MAGOHB: variants seen among roughly 807,000 people sequenced by gnomAD.
The protein encoded by MAGOHB is protein mago nashi homolog 2.
In MAGOHB, 15 loss-of-function variants were observed where a neutral mutation model predicts 20.9. The observed-to-expected ratio is 0.72, with a 90% confidence interval of 0.48 to 1.11. The LOEUF (loss-of-function observed/expected upper bound fraction) is 1.11. Ranked by LOEUF, MAGOHB falls within the 50% of genes least tolerant of loss-of-function variation. MAGOHB has a pLI of 0.00. For missense variants in MAGOHB, 162 were observed against 177.6 expected, an observed-to-expected ratio of 0.91 and a Z score of 0.50; for synonymous variants, 50 against 57.9, an observed-to-expected ratio of 0.86 and a Z score of 0.62.
intron 1 of MAGOHB, chr12:10,612,885 C>T: frequency 7.8e-7 from 1 of 1,289,156 alleles, no homozygotes; most frequent in South Asian, 1.2e-5. Context: ...CATTTCGAGA[C>T]TCATCTCAAG....
At chr12:10,600,958 C>T (rs149922595), downstream of MAGOHB, among the ~76,000 whole-genome samples, 263 of 152,260 alleles carry the variant, frequency 1.7e-3, no homozygotes, top group Middle Eastern at 0.014. Context: ...CTCCCAGAGG[C>T]TAATTTTACT....
In MAGOHB at chr12:10,613,077, ATG is replaced by A; in HGVS notation, c.94+360_94+361del. On this transcript the variant is annotated intron_variant, in intron 1 of 4. Transcript: ENST00000320756. ...CCTTCAAAGAAAACACACAGCCTAA[ATG>A]AAAAAAAGGTACTGGTCACCACAAG... 1.2e-5 allele frequency: 8 copies of A among 641,756 alleles called. No individual in the cohort carries two copies. In the Admixed American group the frequency reaches 1.3e-4, roughly 11 times the overall value. The allele number at this position is 641,756 out of a possible 1,614,324, so 39.8% of individuals were successfully genotyped here.
At position 10,606,363 on chromosome 12, in the gene MAGOHB, C is replaced by T. The variant is rs756686828; in HGVS notation, c.359G>A (p.Gly120Asp). 1.9e-6 allele frequency: 3 copies of T among 1,554,198 alleles called. No homozygotes were observed. The highest frequency in any genetic ancestry group is 1.2e-5 in the South Asian group (1 of 83,078). ...IDVNQSKDPE[G>D]LRVFYYLVQD... ...TACCAAATAGTAAAATACTCGAAGG[C>T]CTTCAGGATCCCTAAAATTTAAAAA... The change falls in exon 5 of 5, where the codon GGC (glycine) becomes GAC (aspartate). Residue 120 changes from glycine to aspartate, a missense_variant. Coordinates refer to ENST00000320756, the MANE Select transcript of MAGOHB (RefSeq NM_018048.5).
chr12:10,610,062 C>T (rs1215547529), intron 2 of MAGOHB, 121 bp from the exon 3 acceptor site: 2 of 567,766 alleles, frequency 3.5e-6, no homozygotes, highest in Non-Finnish European at 3.1e-6. Context: ...TTAATTGATT[C>T]CAAAAGTAGA....
chr12:10,609,645 C>T lies in MAGOHB; in HGVS notation c.264+186G>A. 1 of 574,434 alleles carries T rather than the reference C, an allele frequency of 1.7e-6. No homozygotes were observed. The highest frequency in any genetic ancestry group is 3.1e-6 in the Non-Finnish European group (1 of 326,378). The allele number at this position is 574,434 out of a possible 1,614,324, so 35.6% of individuals were successfully genotyped here. ...CTAAATTTAGAGCTATGCACTGACT[C>T]CTTCACTACTAGGAGGTAGCACAGA... On this transcript the variant is annotated intron_variant, in intron 3 of 4. Coordinates refer to ENST00000320756, the MANE Select transcript of MAGOHB (RefSeq NM_018048.5).
chr12:10,612,840 G>C (rs976506319), intron 1 of MAGOHB: 6 of 1,288,942 alleles, frequency 4.7e-6, no homozygotes, highest in African/African-American at 1.5e-5. Flanking sequence ...TACTGCTCTG[G>C]AAGTCTGTTT....
chr12:10,601,295 G>A (rs79215415), downstream of MAGOHB, among the ~76,000 whole-genome samples: 17 of 116,788 alleles, frequency 1.5e-4, no homozygotes, highest in African/African-American at 5.3e-4. Context: ...AAGTATTTTC[G>A]TCCCCATTTT....
chr12:10,612,308 G>A (rs1865762477), intron 1 of MAGOHB, among the ~76,000 whole-genome samples: 1 of 152,096 alleles, frequency 6.6e-6, no homozygotes, highest in Admixed American at 6.5e-5. Context: ...CTGAGGTGAG[G>A]GATCACTTGC....
chr12:10,611,446 A>C (rs2011295), intron 1 of MAGOHB, among the ~76,000 whole-genome samples: 107,796 of 151,894 alleles, frequency 0.71, 38,977 homozygotes, highest in East Asian at 0.99. Flanking sequence ...GATAGAAATG[A>C]CAGTCTTTGA....
In MAGOHB at chr12:10,610,614, G is replaced by C. The variant is rs376053253; in HGVS notation, c.153+8C>G. On this transcript the variant is annotated splice_region_variant and intron_variant, in intron 2 of 4. Transcript: ENST00000320756. ...AAAAAAAAAAAAAGACATTCACATAGAACTTACCTCTTTTCTGATCATGAC... is the reference window on the plus strand; with the variant it reads ...AAAAAAAAAAAAAGACATTCACATACAACTTACCTCTTTTCTGATCATGAC... The C allele has an allele frequency of 3.1e-4, 424 of 1,354,904 alleles. No individual in the cohort carries two copies. Among genetic ancestry groups the C allele is most frequent in the Non-Finnish European group, 3.9e-4 (402 of 1,023,190 alleles). The allele number at this position is 1,354,904 out of a possible 1,614,324, so 83.9% of individuals were successfully genotyped here.
downstream of MAGOHB, among the ~76,000 whole-genome samples, chr12:10,601,624 G>A (rs1390876380): frequency 6.6e-6 from 1 of 152,158 alleles, no homozygotes; most frequent in Non-Finnish European, 1.5e-5. Flanking sequence ...GGTTAAATGA[G>A]GTAAGATCCA....
chr12:10,609,681 T>A (rs1865687926), intron 3 of MAGOHB, 150 bp downstream of exon 3: 1 of 604,884 alleles, frequency 1.7e-6, no homozygotes, highest in Non-Finnish European at 2.9e-6. Context: ...AAAACAGAAC[T>A]AAGAGATAAA....
At chr12:10,606,635 A>T (rs960287860) in intron 4 of MAGOHB, among the ~76,000 whole-genome samples, 2 of 152,096 alleles carry the variant, frequency 1.3e-5, no homozygotes, top group Admixed American at 6.6e-5. Flanking sequence ...AAAAATGTCT[A>T]ATAAAGCAGA....
At chr12:10,607,196 T>C (rs1865644402) in intron 4 of MAGOHB, among the ~76,000 whole-genome samples, 1 of 152,218 alleles carries the variant, frequency 6.6e-6, no homozygotes, top group African/African-American at 2.4e-5. Context: ...ATCTATTATG[T>C]GCAGGGCACT....
rs1163411302 is a variant in MAGOHB at position 10,605,336 on chromosome 12, C to A, written c.*939G>T. On this transcript the variant is annotated 3_prime_UTR_variant, in exon 5 of 5. Coordinates refer to ENST00000320756, the MANE Select transcript of MAGOHB (RefSeq NM_018048.5). ...GCCTTCAGAAACTAATTATTCCACC[C>A]AAAATTCAGTGCTAACTTGTTCCTA... The A allele has an allele frequency of 6.6e-6, 1 of 152,130 alleles. No homozygotes were observed. Among genetic ancestry groups the A allele is most frequent in the African/African-American group, 2.4e-5 (1 of 41,426 alleles). 9.4% of individuals were successfully genotyped at this position (152,130 alleles called of 1,614,324 possible).
intron 1 of MAGOHB, chr12:10,612,581 C>T: frequency 1.2e-6 from 1 of 807,342 alleles, no homozygotes; most frequent in African/African-American, 1.8e-5. Flanking sequence ...AGTTAAATGT[C>T]TGTGCCTCCC....
rs1028048087 is a variant in MAGOHB at position 10,613,573 on chromosome 12, TC to T, written c.-42del. 2 of 1,389,220 alleles carry T rather than the reference TC, an allele frequency of 1.4e-6. No individual in the cohort carries two copies. The highest frequency in any genetic ancestry group is 1.7e-5 in the Admixed American group (1 of 59,712). 86.1% of individuals were successfully genotyped at this position (1,389,220 alleles called of 1,614,324 possible). A position where few individuals can be genotyped will look rare whatever the true frequency, so the allele number is the denominator to read the frequency against. ...GCCCGCCGAAAACGCAGCCAACGTG[TC>T]CCCCGGCGCCTTGCAGTGACGTCAT... On this transcript the variant is annotated 5_prime_UTR_variant, in exon 1 of 5. Coordinates refer to ENST00000320756, the MANE Select transcript of MAGOHB (RefSeq NM_018048.5).
downstream of MAGOHB, among the ~76,000 whole-genome samples, chr12:10,602,254 A>T (rs1865560746): frequency 1.3e-5 from 2 of 152,272 alleles, no homozygotes; most frequent in Non-Finnish European, 2.9e-5. Context: ...CAGCACATGT[A>T]AGAGGCATGA....
rs764218519 is a variant in MAGOHB, at chr12:10,609,848, CA to C, written c.246del (p.Asp83IlefsTer11). The stretch of plus-strand genomic sequence containing the variant: ...ATACAAACCTGTCGGCCAACCCTAT[CA>C]GGGGGAGGCCACAAAGCATCATCTT... ...TKEDDALWPP[P>X]DRVGRQELEI... On this transcript the variant is annotated frameshift_variant, in exon 3 of 5. Transcript: ENST00000320756. LOFTEE classifies it high-confidence loss of function. The C allele has an allele frequency of 1.3e-5, 21 of 1,609,552 alleles. No individual in the cohort carries two copies. The highest frequency in any genetic ancestry group is 1.8e-5 in the Non-Finnish European group (21 of 1,176,688).
Sources: allele counts gnomAD v4.1 joint callset (sites outside exome capture counted in the v4.1 genomes callset), GRCh38; gene constraint gnomAD v4.1.1; transcripts MANE v1.5; gene names NCBI Gene and HGNC (gene_info 2026-07-23, HGNC 2026-07-21).